HSD17B12: variants seen among roughly 807,000 people sequenced by gnomAD.
HSD17B12 encodes hydroxysteroid 17-beta dehydrogenase 12, also known as very-long-chain 3-oxoacyl-CoA reductase.
In HSD17B12, 32 loss-of-function variants were observed where a neutral mutation model predicts 39.3. The ratio of observed to expected loss-of-function variants is 0.81; its 90% confidence interval spans 0.61 to 1.09. The LOEUF is 1.09. Among genes scored for constraint, HSD17B12 ranks in the 50% least tolerant of loss-of-function variants. The pLI is 0.00. For missense variants in HSD17B12, 342 were observed against 382.9 expected, an observed-to-expected ratio of 0.89 and a Z score of 0.89; for synonymous variants, 150 against 146.7, an observed-to-expected ratio of 1.02 and a Z score of -0.16.
At chr11:43,581,386 G>A in the HSD17B12 span, 1 of 508,770 alleles carries the variant, frequency 2.0e-6, no homozygotes, top group Non-Finnish European at 4.1e-6. The surrounding 1 kb of genome is among the most constrained non-coding windows in gnomAD (Gnocchi z 4.9). Flanking sequence ...GAAGAAGCCG[G>A]CATATTCTGC....
intron 3 of HSD17B12, among the ~76,000 whole-genome samples, chr11:43,768,868 A>C (rs1024376754): frequency 6.7e-6 from 1 of 148,738 alleles, no homozygotes; most frequent in African/African-American, 2.5e-5. Context: ...GGTCCATTTT[A>C]AAGAGTGCTG....
At chr11:43,825,560 A>G (rs1315833935) in intron 6 of HSD17B12, among the ~76,000 whole-genome samples, 1 of 152,262 alleles carries the variant, frequency 6.6e-6, no homozygotes, top group East Asian at 1.9e-4. Flanking sequence ...CATTAGGAAT[A>G]TGATAAATTA....
chr11:43,647,429 C>CTA, the HSD17B12 span, among the ~76,000 whole-genome samples: 2 of 147,038 alleles, frequency 1.4e-5, no homozygotes, highest in African/African-American at 5.0e-5. Flanking sequence ...GCATGCTCCA[C>CTA]CACACCTTGC....
intron 1 of HSD17B12, among the ~76,000 whole-genome samples, chr11:43,733,019 A>G (rs529070467): frequency 6.6e-6 from 1 of 152,362 alleles, no homozygotes; most frequent in African/African-American, 2.4e-5. Context: ...CTTGGGCACA[A>G]TATGAAACTG....
chr11:43,833,929 G>A (rs1590338490), intron 7 of HSD17B12: 4 of 152,258 alleles, frequency 2.6e-5, no homozygotes, highest in African/African-American at 7.2e-5. Context: ...CACTTCCCTG[G>A]AATTATAAAC....
the HSD17B12 span, among the ~76,000 whole-genome samples, chr11:43,630,415 C>A: frequency 6.6e-6 from 1 of 152,124 alleles, no homozygotes; most frequent in Admixed American, 6.6e-5. Context: ...TGTAGGGTGC[C>A]CTTTTGTTTT....
chr11:43,789,992 C>T (rs1950852603), intron 3 of HSD17B12, among the ~76,000 whole-genome samples: 1 of 152,134 alleles, frequency 6.6e-6, no homozygotes, highest in South Asian at 2.1e-4. Context: ...GCAGGGTTCC[C>T]AGGCTTCTTT....
chr11:43,572,713 A>G, the HSD17B12 span, among the ~76,000 whole-genome samples: 1 of 152,222 alleles, frequency 6.6e-6, no homozygotes, highest in East Asian at 1.9e-4. Context: ...AGGATTAAAT[A>G]AAGCTTCTTA....
At chr11:43,619,230 T>TATATATATATAAAATATATATATATG in the HSD17B12 span, among the ~76,000 whole-genome samples, 29 of 18,918 alleles carry the variant, frequency 1.5e-3, no homozygotes, top group African/African-American at 4.1e-3. Flanking sequence ...ATATATATGA[T>TATATATATATAAAATATATATATATG]ATATATATAT....
At chr11:43,797,218 T>A (rs1443667119) in intron 3 of HSD17B12, among the ~76,000 whole-genome samples, 1 of 152,228 alleles carries the variant, frequency 6.6e-6, no homozygotes, top group Admixed American at 6.5e-5. Context: ...TAATCCTGCA[T>A]GCTCTGTGAT....
At chr11:43,665,402 A>G in the HSD17B12 span, among the ~76,000 whole-genome samples, 2 of 152,044 alleles carry the variant, frequency 1.3e-5, no homozygotes. Flanking sequence ...AATTTTTTGT[A>G]GAGACAGGAT....
the HSD17B12 span, among the ~76,000 whole-genome samples, chr11:43,607,238 AAGG>A: frequency 6.6e-6 from 1 of 151,442 alleles, no homozygotes; most frequent in Non-Finnish European, 1.5e-5. Context: ...AGAAAAGAGA[AAGG>A]AGGGAAGATG....
chr11:43,617,687 C>T, the HSD17B12 span, among the ~76,000 whole-genome samples: 1 of 152,018 alleles, frequency 6.6e-6, no homozygotes, highest in Non-Finnish European at 1.5e-5. Flanking sequence ...CCTGAGTCAC[C>T]CAGCACACAG....
In HSD17B12 at chr11:43,855,657, T is replaced by A. The variant is rs939902270; in HGVS notation, c.*409T>A. 2.0e-4 allele frequency: 13 copies of A among 66,204 alleles called. No individual in the cohort carries two copies. The allele number at this position is 66,204 out of a possible 1,614,324, so 4.1% of individuals were successfully genotyped here. On this transcript the variant is annotated 3_prime_UTR_variant, in exon 11 of 11. Coordinates refer to ENST00000278353, the MANE Select transcript of HSD17B12 (RefSeq NM_016142.3). ...TAAAAACCAATGTCCAGCTACTCTT[T>A]TGTTTTTGACACTTGAAGAAATGGA...
intron 1 of HSD17B12, among the ~76,000 whole-genome samples, chr11:43,736,150 T>C (rs1448237719): frequency 6.6e-6 from 1 of 152,228 alleles, no homozygotes; most frequent in East Asian, 1.9e-4. Flanking sequence ...GAAGGGTTTT[T>C]AGTTAACCAA....
chr11:43,689,361 C>T (rs1003627727), intron 1 of HSD17B12, among the ~76,000 whole-genome samples: 1 of 152,058 alleles, frequency 6.6e-6, no homozygotes, highest in Admixed American at 6.6e-5. Flanking sequence ...TCTCTGCTTC[C>T]ACCTTGGCTC....
At chr11:43,597,215 T>A in the HSD17B12 span, among the ~76,000 whole-genome samples, 1 of 152,146 alleles carries the variant, frequency 6.6e-6, no homozygotes, top group Non-Finnish European at 1.5e-5. Flanking sequence ...GTCAGGAGCA[T>A]GTGAACCATG....
the HSD17B12 span, among the ~76,000 whole-genome samples, chr11:43,587,918 G>C: frequency 6.6e-6 from 1 of 152,196 alleles, no homozygotes; most frequent in South Asian, 2.1e-4. Flanking sequence ...TTCTGGCCCT[G>C]TTGGGTTGGT....
the HSD17B12 span, among the ~76,000 whole-genome samples, chr11:43,603,168 CTTTATTT>C: frequency 6.6e-6 from 1 of 152,088 alleles, no homozygotes; most frequent in African/African-American, 2.4e-5. Flanking sequence ...TCTCCTGAGA[CTTTATTT>C]TTTATTTTTT....
Sources: allele counts gnomAD v4.1 joint callset (sites outside exome capture counted in the v4.1 genomes callset), GRCh38; gene constraint gnomAD v4.1.1; non-coding constraint Gnocchi (gnomAD v3.1); transcripts MANE v1.5; gene names NCBI Gene and HGNC (gene_info 2026-07-23, HGNC 2026-07-21).